TTC28: variants seen among roughly 807,000 people sequenced by gnomAD.
The protein encoded by TTC28 is tetratricopeptide repeat domain 28.
TTC28 carries 61 observed loss-of-function variants against 198.0 expected under a neutral mutation model. The observed-to-expected ratio is 0.31, with a 90% confidence interval of 0.25 to 0.38. TTC28 has a LOEUF of 0.38. Among genes scored for constraint, TTC28 ranks in the 10% least tolerant of loss-of-function variants. The probability of loss-of-function intolerance (pLI) is 1.00; values close to 1 mark genes in which losing one functional copy is unlikely to be tolerated. For synonymous variants in TTC28, 1,171 were observed against 1,297.8 expected, an observed-to-expected ratio of 0.90 and a Z score of 2.10; for missense variants, 2,678 against 3,164.0, an observed-to-expected ratio of 0.85 and a Z score of 3.69.
chr22:28,275,786 T>C (rs527244589), intron 5 of TTC28, among the ~76,000 whole-genome samples: 1 of 152,012 alleles, frequency 6.6e-6, no homozygotes, highest in Admixed American at 6.5e-5. Flanking sequence ...TTTCTAACTA[T>C]GCCGCCTACC....
intron 2 of TTC28, among the ~76,000 whole-genome samples, chr22:28,428,270 GA>G (rs1475637810): frequency 6.6e-6 from 1 of 152,120 alleles, no homozygotes; most frequent in Non-Finnish European, 1.5e-5. Flanking sequence ...ATAATACCAT[GA>G]AAATATACGA....
chr22:28,631,314 A>G (rs1302390307), intron 1 of TTC28, among the ~76,000 whole-genome samples: 2 of 152,352 alleles, frequency 1.3e-5, no homozygotes, highest in African/African-American at 4.8e-5. Flanking sequence ...TTTGGTGACT[A>G]TAATTTGGCT....
chr22:28,387,738 A>G (rs1177587536), intron 2 of TTC28, among the ~76,000 whole-genome samples: 1 of 152,100 alleles, frequency 6.6e-6, no homozygotes, highest in East Asian at 1.9e-4. Context: ...TAGATTCTGG[A>G]TATTAGCCCT....
intron 21 of TTC28, chr22:27,985,632 T>C: frequency 6.2e-6 from 2 of 323,142 alleles, no homozygotes; most frequent in South Asian, 7.9e-5. Context: ...CGGAAAGCAC[T>C]ATGGACCAGA....
chr22:28,521,576 G>A (rs986125645), intron 2 of TTC28, among the ~76,000 whole-genome samples: 4 of 152,100 alleles, frequency 2.6e-5, no homozygotes, highest in African/African-American at 7.2e-5. Flanking sequence ...AGGTCAAGAG[G>A]CTGAGAATCC....
At position 28,669,439 on chromosome 22, in the gene TTC28, G is replaced by A. The variant is rs536728787; in HGVS notation, c.102+10183C>T. 3.5e-4 allele frequency among the ~76,000 whole-genome samples: 53 copies of A among 151,402 alleles called. No homozygotes were observed. In the South Asian group the frequency reaches 0.011, roughly 31 times the overall value. On this transcript the variant is annotated intron_variant, in intron 1 of 22. Transcript: ENST00000397906. Reference sequence around the variant, plus strand: ...TATTCCCAGAAGTGTGACCAGTTAGGGCCAAAATAAAAGGTACAATTTACC... The same window carrying A: ...TATTCCCAGAAGTGTGACCAGTTAGAGCCAAAATAAAAGGTACAATTTACC...
chr22:28,232,322 T>C (rs1425087492), intron 5 of TTC28, among the ~76,000 whole-genome samples: 1 of 152,198 alleles, frequency 6.6e-6, no homozygotes, highest in Non-Finnish European at 1.5e-5. Flanking sequence ...TAAAAGAATG[T>C]GGCTGTTAAG....
intron 2 of TTC28, among the ~76,000 whole-genome samples, chr22:28,622,480 GA>G (rs1010888665): frequency 2.9e-5 from 4 of 140,318 alleles, no homozygotes; most frequent in South Asian, 2.4e-4. Context: ...TTTCTCAAAA[GA>G]AAAAAAAAAT....
intron 5 of TTC28, among the ~76,000 whole-genome samples, chr22:28,190,678 C>T (rs547340544): frequency 2.0e-5 from 3 of 152,194 alleles, no homozygotes; most frequent in Non-Finnish European, 1.5e-5. Context: ...ACCCATATTC[C>T]CACATAGGAA....
At chr22:28,139,410 G>A (rs928049653) in intron 6 of TTC28, among the ~76,000 whole-genome samples, 2 of 152,190 alleles carry the variant, frequency 1.3e-5, no homozygotes, top group Non-Finnish European at 2.9e-5. Flanking sequence ...CAGTAACAAG[G>A]ATAGGATGGC....
At chr22:28,638,744 A>T (rs1004458084) in intron 1 of TTC28, among the ~76,000 whole-genome samples, 1 of 152,148 alleles carries the variant, frequency 6.6e-6, no homozygotes, top group Admixed American at 6.6e-5. Context: ...TAAAGACAAT[A>T]TTTTTTTACC....
intron 5 of TTC28, among the ~76,000 whole-genome samples, chr22:28,225,368 A>AGAAG (rs1185984226): frequency 7.0e-6 from 1 of 143,064 alleles, no homozygotes; most frequent in African/African-American, 2.7e-5. Context: ...AAAAAAAAGA[A>AGAAG]AAGAAGAAGA....
chr22:28,215,006 G>A (rs964555170), intron 5 of TTC28, among the ~76,000 whole-genome samples: 12 of 152,098 alleles, frequency 7.9e-5, no homozygotes, highest in Admixed American at 1.3e-4. Context: ...GCTGGAAGCC[G>A]TCATTCTAAG....
At chr22:28,489,328 T>C (rs746918715) in intron 2 of TTC28, among the ~76,000 whole-genome samples, 11 of 151,870 alleles carry the variant, frequency 7.2e-5, no homozygotes, top group Admixed American at 5.2e-4. Flanking sequence ...CACACATTAC[T>C]CTGCCTCCAT....
intron 21 of TTC28, among the ~76,000 whole-genome samples, chr22:27,988,578 G>A (rs1024935661): frequency 3.9e-5 from 6 of 151,986 alleles, no homozygotes; most frequent in East Asian, 1.9e-4. Context: ...GTGAGCCACC[G>A]CACCCGGCAG....
chr22:27,987,716 A>T (rs1451035511), intron 21 of TTC28, among the ~76,000 whole-genome samples: 2 of 152,170 alleles, frequency 1.3e-5, no homozygotes, highest in Non-Finnish European at 2.9e-5. Flanking sequence ...CTCCAAAAAA[A>T]AAAAGGTTGT....
intron 14 of TTC28, among the ~76,000 whole-genome samples, chr22:28,010,591 T>C (rs1048856706): frequency 2.0e-5 from 3 of 152,162 alleles, no homozygotes; most frequent in Non-Finnish European, 4.4e-5. Context: ...TTCAACTGGC[T>C]CAGCGTGGAC....
intron 2 of TTC28, among the ~76,000 whole-genome samples, chr22:28,617,702 C>A (rs543764035): frequency 1.3e-5 from 2 of 152,104 alleles, no homozygotes; most frequent in Non-Finnish European, 2.9e-5. Flanking sequence ...TTTAATAGAG[C>A]TATACAATTG....
chr22:28,205,342 C>A (rs1926312188), intron 5 of TTC28, among the ~76,000 whole-genome samples: 1 of 151,970 alleles, frequency 6.6e-6, no homozygotes, highest in Non-Finnish European at 1.5e-5. Flanking sequence ...CTATTTTTCC[C>A]AGAGCCTCTG....
Sources: allele counts gnomAD v4.1 joint callset (sites outside exome capture counted in the v4.1 genomes callset), GRCh38; gene constraint gnomAD v4.1.1; transcripts MANE v1.5; gene names NCBI Gene and HGNC (gene_info 2026-07-23, HGNC 2026-07-21).